Variants in SNTG2 observed in about 807,000 individuals in gnomAD.
SNTG2 encodes the protein syntrophin gamma 2.
A neutral mutation model predicts 70.9 loss-of-function variants in SNTG2; 74 were observed. The observed-to-expected ratio is 1.04, with a 90% CI of 0.86 to 1.27. The LOEUF is 1.27. Ranked by LOEUF, SNTG2 falls within the 50% of genes most tolerant of loss-of-function variation. The probability of loss-of-function intolerance (pLI) is 0.00; values close to 1 mark genes in which losing one functional copy is unlikely to be tolerated. For missense variants in SNTG2, 717 were observed against 690.7 expected (o/e 1.04, Z -0.43); for synonymous variants, 278 against 273.8 (o/e 1.02, Z -0.15).
chr2:1,208,812 C>T (rs1274666665), intron 8 of SNTG2, among the ~76,000 whole-genome samples: 1 of 152,182 alleles, frequency 6.6e-6, no homozygotes, highest in East Asian at 1.9e-4. Flanking sequence ...GAGCCCAGTG[C>T]TGTGTCTACA....
At chr2:1,335,182 T>A (rs1180785790) in intron 16 of SNTG2, among the ~76,000 whole-genome samples, 1 of 67,282 alleles carries the variant, frequency 1.5e-5, no homozygotes, top group Non-Finnish European at 2.8e-5. Flanking sequence ...CCCCCGTGCG[T>A]TCCTCTGCAT....
At chr2:957,747 C>G (rs1558277902) in intron 1 of SNTG2, among the ~76,000 whole-genome samples, 1 of 151,764 alleles carries the variant, frequency 6.6e-6, no homozygotes, top group Admixed American at 6.6e-5. Flanking sequence ...GGGAGAGATG[C>G]AGTCACAGGC....
intron 1 of SNTG2, among the ~76,000 whole-genome samples, chr2:1,008,756 T>A: frequency 6.6e-6 from 1 of 152,180 alleles, no homozygotes; most frequent in East Asian, 1.9e-4. Context: ...GGATAGTAAT[T>A]AGTATTTTTG....
chr2:1,176,861 A>T (rs1000318262), intron 8 of SNTG2, among the ~76,000 whole-genome samples: 1 of 152,166 alleles, frequency 6.6e-6, no homozygotes, highest in Non-Finnish European at 1.5e-5. Context: ...GAGAAATAGG[A>T]ACACTTTTTC....
In SNTG2 at chr2:1,291,257, C is replaced by A. The variant is rs187505721; in HGVS notation, c.1285-17237C>A. 4.1e-4 allele frequency among the ~76,000 whole-genome samples: 63 copies of A among 152,276 alleles called. 1 individual carries two copies. The East Asian group carries it at 9.5e-3, about 23-fold the overall frequency. On this transcript the variant is annotated intron_variant, in intron 14 of 16. Coordinates refer to ENST00000308624, the MANE Select transcript of SNTG2 (RefSeq NM_018968.4). ...AGTTCTTATGTATTCTAGACATCAA[C>A]CCCTTAATAGATATATGATTTACAA... is the stretch of plus-strand genomic sequence containing the variant.
chr2:1,170,303 T>C (rs1671042305), intron 7 of SNTG2, among the ~76,000 whole-genome samples: 1 of 152,222 alleles, frequency 6.6e-6, no homozygotes, highest in Non-Finnish European at 1.5e-5. Context: ...TTTCACTACG[T>C]TGTAGAGGCA....
chr2:963,075 A>G (rs1045856136), intron 1 of SNTG2, among the ~76,000 whole-genome samples: 2 of 152,128 alleles, frequency 1.3e-5, no homozygotes, highest in African/African-American at 2.4e-5. Context: ...TTCAAAAACT[A>G]ACTGCAGTTT....
At chr2:1,090,336 A>C (rs555246131) in intron 2 of SNTG2, among the ~76,000 whole-genome samples, 1 of 152,312 alleles carries the variant, frequency 6.6e-6, no homozygotes, top group African/African-American at 2.4e-5. Flanking sequence ...CTTTGCAATG[A>C]TGTGTACATT....
At chr2:1,145,047 A>G (rs971585057) in intron 6 of SNTG2, among the ~76,000 whole-genome samples, 4 of 152,214 alleles carry the variant, frequency 2.6e-5, no homozygotes, top group Admixed American at 6.5e-5. Context: ...AACTTATCAA[A>G]ATTTGTGGGA....
chr2:995,856 T>C (rs970449868), intron 1 of SNTG2, among the ~76,000 whole-genome samples: 4 of 152,126 alleles, frequency 2.6e-5, no homozygotes, highest in African/African-American at 9.7e-5. Context: ...AACTTCCCCA[T>C]AGTATGTGGA....
chr2:1,062,748 TAAAAG>T (rs1319288244), intron 1 of SNTG2, among the ~76,000 whole-genome samples: 1 of 152,202 alleles, frequency 6.6e-6, no homozygotes, highest in Non-Finnish European at 1.5e-5. Context: ...TACTTCCCCT[TAAAAG>T]GAAATGTGAC....
chr2:1,062,336 T>C (rs775558305), intron 1 of SNTG2, among the ~76,000 whole-genome samples: 18 of 152,162 alleles, frequency 1.2e-4, no homozygotes, highest in Admixed American at 4.6e-4. Flanking sequence ...TGATAAAAGA[T>C]AGGGTTCAGA....
chr2:1,272,394 G>C (rs892585633), intron 14 of SNTG2, among the ~76,000 whole-genome samples: 3 of 145,568 alleles, frequency 2.1e-5, no homozygotes, highest in African/African-American at 7.9e-5. Flanking sequence ...CAGAGGTCAG[G>C]TGGTAATGCT....
intron 4 of SNTG2, among the ~76,000 whole-genome samples, chr2:1,111,111 T>G (rs115283091): frequency 0.013 from 1,959 of 152,334 alleles, 57 homozygotes; most frequent in African/African-American, 0.045. Flanking sequence ...TACAGCAGAT[T>G]GAATGAAGAA....
At chr2:1,017,697 A>T (rs1659948955) in intron 1 of SNTG2, among the ~76,000 whole-genome samples, 1 of 152,216 alleles carries the variant, frequency 6.6e-6, no homozygotes, top group African/African-American at 2.4e-5. Context: ...ATAAATTTTA[A>T]AAAGAAGAGT....
intron 9 of SNTG2, among the ~76,000 whole-genome samples, chr2:1,232,101 C>T (rs1676292946): frequency 6.6e-6 from 1 of 152,172 alleles, no homozygotes; most frequent in African/African-American, 2.4e-5. Flanking sequence ...TCCTGCCTCT[C>T]CTGCTTCTGC....
chr2:1,269,840 G>T (rs1161758081), intron 14 of SNTG2, among the ~76,000 whole-genome samples: 1 of 152,148 alleles, frequency 6.6e-6, no homozygotes, highest in African/African-American at 2.4e-5. Context: ...GGCAATGAGG[G>T]TGTTAACAAG....
intron 6 of SNTG2, among the ~76,000 whole-genome samples, chr2:1,146,858 T>G (rs1392025861): frequency 6.6e-6 from 1 of 152,170 alleles, no homozygotes; most frequent in Non-Finnish European, 1.5e-5. Context: ...CCTTACACCC[T>G]CCCTAAAAAT....
chr2:1,115,308 T>C (rs1172547361), intron 4 of SNTG2, among the ~76,000 whole-genome samples: 1 of 152,114 alleles, frequency 6.6e-6, no homozygotes, highest in African/African-American at 2.4e-5. Context: ...TAAGTGAGTT[T>C]TAACCCTTAC....
Sources: allele counts gnomAD v4.1 joint callset (sites outside exome capture counted in the v4.1 genomes callset), GRCh38; gene constraint gnomAD v4.1.1; transcripts MANE v1.5; gene names NCBI Gene and HGNC (gene_info 2026-07-23, HGNC 2026-07-21).